TMEM272: variants seen among roughly 807,000 people sequenced by gnomAD.
The protein encoded by TMEM272 is transmembrane protein 272.
Under a neutral mutation model 3.7 loss-of-function variants are expected in TMEM272, and 8 were observed. The observed-to-expected ratio is 2.17, with a 90% CI of 1.27 to 3.91. The LOEUF is 3.91. Ranked by LOEUF, TMEM272 falls within the 30% of genes most tolerant of loss-of-function variation. The pLI, the probability that TMEM272 is intolerant of heterozygous loss-of-function variation, is 0.00. For missense variants in TMEM272, 166 were observed against 91.5 expected (o/e 1.81, Z -3.32); for synonymous variants, 63 against 39.8 (o/e 1.58, Z -2.20).
At chr13:51,892,803 C>T in the TMEM272 span, among the ~76,000 whole-genome samples, 14 of 152,242 alleles carry the variant, frequency 9.2e-5, no homozygotes, top group African/African-American at 3.4e-4. Context: ...GCTCAGTCCC[C>T]TCCCTTTGTT....
the TMEM272 span, among the ~76,000 whole-genome samples, chr13:51,873,313 G>A: frequency 0.075 from 11,416 of 152,172 alleles, 481 homozygotes; most frequent in Middle Eastern, 0.11. Context: ...AGCTGTGAAT[G>A]GCATTTATGT....
chr13:51,860,818 A>AGTGT, the TMEM272 span, among the ~76,000 whole-genome samples: 2,596 of 144,182 alleles, frequency 0.018, 74 homozygotes, highest in African/African-American at 0.059. Context: ...TATATATAGA[A>AGTGT]GTGTGTGTGT....
upstream of TMEM272, among the ~76,000 whole-genome samples, chr13:51,848,409 TA>T (rs1278776481): frequency 6.6e-6 from 1 of 152,092 alleles, no homozygotes; most frequent in African/African-American, 2.4e-5. Flanking sequence ...AAGGGCACAT[TA>T]GGGGAGATGA....
chr13:51,909,673 T>G, the TMEM272 span: 2 of 1,538,808 alleles, frequency 1.3e-6, no homozygotes, highest in East Asian at 4.5e-5. Context: ...GCAGCATGAA[T>G]CAGTTTCTTC....
the TMEM272 span, among the ~76,000 whole-genome samples, chr13:51,871,660 A>G: frequency 6.6e-6 from 1 of 152,148 alleles, no homozygotes; most frequent in African/African-American, 2.4e-5. Flanking sequence ...CTCAGCTAGA[A>G]CCACCCAGCT....
intron 2 of TMEM272, among the ~76,000 whole-genome samples, chr13:51,827,695 C>A (rs1956138904): frequency 6.6e-6 from 1 of 152,140 alleles, no homozygotes; most frequent in African/African-American, 2.4e-5. Flanking sequence ...TCCTTCCTCT[C>A]TAGGTCATCA....
chr13:51,851,407 G>C, the TMEM272 span, among the ~76,000 whole-genome samples: 5 of 144,308 alleles, frequency 3.5e-5, no homozygotes, highest in Non-Finnish European at 7.5e-5. Flanking sequence ...GGAAGAAGAA[G>C]AACAAGAAGA....
At chr13:51,919,034 A>T in the TMEM272 span, among the ~76,000 whole-genome samples, 1 of 151,418 alleles carries the variant, frequency 6.6e-6, no homozygotes, top group Non-Finnish European at 1.5e-5. Flanking sequence ...TCCTATTCCC[A>T]TCTTTTCCTT....
chr13:51,841,754 G>A (rs1048595479), intron 1 of TMEM272, among the ~76,000 whole-genome samples: 1 of 152,112 alleles, frequency 6.6e-6, no homozygotes, highest in East Asian at 1.9e-4. Context: ...AACACAAGTC[G>A]CAGGTATTAG....
chr13:51,851,410 CAAGAAG>C, the TMEM272 span, among the ~76,000 whole-genome samples: 727 of 139,934 alleles, frequency 5.2e-3, 5 homozygotes, highest in African/African-American at 0.018. Flanking sequence ...AGAAGAAGAA[CAAGAAG>C]AAGAAGAAGA....
upstream of TMEM272, among the ~76,000 whole-genome samples, chr13:51,849,428 T>A (rs984257242): frequency 4.6e-5 from 7 of 152,364 alleles, no homozygotes; most frequent in East Asian, 7.7e-4. Context: ...AATGTGAATA[T>A]TCTTAACACT....
chr13:51,904,147 C>A, the TMEM272 span, among the ~76,000 whole-genome samples: 1 of 152,132 alleles, frequency 6.6e-6, no homozygotes, highest in South Asian at 2.1e-4. Context: ...GCATCAGAAT[C>A]AGCATGAGCT....
chr13:51,909,987 G>A, the TMEM272 span: 13 of 1,567,850 alleles, frequency 8.3e-6, no homozygotes, highest in African/African-American at 8.1e-5. Context: ...ATTTTCACTC[G>A]AAGCATCTTG....
the TMEM272 span, chr13:51,909,752 G>C: frequency 6.4e-7 from 1 of 1,561,372 alleles, no homozygotes; most frequent in Non-Finnish European, 8.8e-7. Context: ...CTAATTCCAA[G>C]TTACCATCAT....
intron 2 of TMEM272, among the ~76,000 whole-genome samples, chr13:51,828,605 C>T (rs1008914952): frequency 5.9e-5 from 9 of 152,000 alleles, no homozygotes; most frequent in African/African-American, 2.2e-4. Context: ...GCTTCAAAGG[C>T]GTGCAACTTA....
chr13:51,875,024 G>T, the TMEM272 span, among the ~76,000 whole-genome samples: 3 of 152,182 alleles, frequency 2.0e-5, no homozygotes, highest in Non-Finnish European at 4.4e-5. Context: ...ACTAGTTCTA[G>T]ACCCACATTT....
At chr13:51,897,458 C>A in the TMEM272 span, among the ~76,000 whole-genome samples, 12 of 142,934 alleles carry the variant, frequency 8.4e-5, no homozygotes, top group Non-Finnish European at 1.6e-4. Flanking sequence ...AAGTGACCTG[C>A]CTGCCTCAGA....
At chr13:51,878,385 A>G in the TMEM272 span, among the ~76,000 whole-genome samples, 3 of 152,142 alleles carry the variant, frequency 2.0e-5, no homozygotes, top group Non-Finnish European at 4.4e-5. Context: ...AGCCGAGATC[A>G]TGCCACTGTG....
the TMEM272 span, among the ~76,000 whole-genome samples, chr13:51,897,362 A>ATTTTTTTTTT: frequency 1.2e-3 from 100 of 82,430 alleles, 4 homozygotes; most frequent in East Asian, 2.3e-3. Context: ...TGTCTGGCTA[A>ATTTTTTTTTT]TTTTTTTTTT....
Sources: allele counts gnomAD v4.1 joint callset (sites outside exome capture counted in the v4.1 genomes callset), GRCh38; gene constraint gnomAD v4.1.1; transcripts MANE v1.5; gene names NCBI Gene and HGNC (gene_info 2026-07-23, HGNC 2026-07-21).